IFT46: variants seen among roughly 807,000 people sequenced by gnomAD.
IFT46 encodes intraflagellar transport protein 46 homolog.
IFT46 carries 19 observed loss-of-function variants against 39.6 expected under a neutral mutation model. That is an observed-to-expected ratio of 0.48 (90% CI 0.33 to 0.70). The LOEUF (loss-of-function observed/expected upper bound fraction) is 0.70. Among genes scored for constraint, IFT46 ranks in the 30% least tolerant of loss-of-function variants. IFT46 has a pLI of 0.01. For missense variants in IFT46, 334 were observed against 364.8 expected (o/e 0.92, Z 0.69); for synonymous variants, 117 against 134.8 (o/e 0.87, Z 0.91).
exon 1 of IFT46, chr11:118,572,645 C>T (rs1938373798): frequency 6.6e-7 from 1 of 1,512,290 alleles, no homozygotes; most frequent in Non-Finnish European, 9.0e-7. Context: ...GAGCCCCGCC[C>T]TGAGGGTCTA....
intron 5 of IFT46, 22 bp downstream of exon 5, chr11:118,555,226 G>A (rs2135493266): frequency 1.9e-6 from 3 of 1,599,142 alleles, no homozygotes; most frequent in Non-Finnish European, 2.6e-6. Context: ...AGTGGGGTAT[G>A]GTGGGAGGTC....
At chr11:118,552,825 C>A (rs1182883387) in intron 7 of IFT46, among the ~76,000 whole-genome samples, 1 of 151,116 alleles carries the variant, frequency 6.6e-6, no homozygotes, top group African/African-American at 2.4e-5. Context: ...GTGGCTCACA[C>A]CTGCAGTCCT....
At chr11:118,559,007 C>T (rs1555070076) in intron 3 of IFT46, among the ~76,000 whole-genome samples, 1 of 148,284 alleles carries the variant, frequency 6.7e-6, no homozygotes, top group East Asian at 2.1e-4. Flanking sequence ...GCTGGGATTA[C>T]AGGCACCCGC....
At chr11:118,549,675 C>T (rs1018899256) in intron 9 of IFT46, among the ~76,000 whole-genome samples, 1 of 151,936 alleles carries the variant, frequency 6.6e-6, no homozygotes, top group Non-Finnish European at 1.5e-5. Context: ...CAGGTGTGCA[C>T]CACCACGCCT....
chr11:118,555,124 A>C (rs781905648), intron 5 of IFT46, 41 bp from the exon 6 acceptor site: 2 of 1,558,756 alleles, frequency 1.3e-6, no homozygotes, highest in Non-Finnish European at 1.8e-6. Flanking sequence ...CAGTCAGAAA[A>C]AGTTACTTTA....
chr11:118,563,882 T>C (rs1938142549), intron 2 of IFT46, among the ~76,000 whole-genome samples: 1 of 152,004 alleles, frequency 6.6e-6, no homozygotes, highest in Admixed American at 6.6e-5. Context: ...GTCACCCCTT[T>C]AGGTCTTCCC....
Position 118,555,238 on chromosome 11 carries a change from T to C in IFT46, c.260+10A>G. ...GATAGTGGGGTATGGTGGGAGGTCC[T>C]AGTACTCACCTACTGATGTACTGGA... On this transcript the variant is annotated intron_variant, in intron 5 of 11. Transcript: ENST00000264021. 1 of 1,607,188 alleles carries C rather than the reference T, an allele frequency of 6.2e-7. No homozygotes were observed. The highest frequency in any genetic ancestry group is 8.5e-7 in the Non-Finnish European group (1 of 1,173,612).
chr11:118,548,627 T>G (rs969882164), intron 9 of IFT46, among the ~76,000 whole-genome samples: 14 of 151,990 alleles, frequency 9.2e-5, no homozygotes, highest in Non-Finnish European at 8.8e-5. Flanking sequence ...CCTCCCAAAG[T>G]GCTGGGATTA....
intron 9 of IFT46, chr11:118,546,972 A>G (rs551167480): frequency 1.3e-5 from 2 of 152,340 alleles, no homozygotes; most frequent in Admixed American, 6.5e-5. Context: ...ATAGTTCTGC[A>G]ACTTGCTGCA....
chr11:118,549,369 G>A (rs1377255448), intron 9 of IFT46, among the ~76,000 whole-genome samples: 2 of 151,610 alleles, frequency 1.3e-5, no homozygotes, highest in East Asian at 3.9e-4. Context: ...TGATATATAA[G>A]AGCTCTTTGC....
At position 118,557,033 on chromosome 11, in the gene IFT46, T is replaced by C. The variant is rs1937862609; in HGVS notation, c.58A>G (p.Thr20Ala). The change falls in exon 4 of 12, where the codon ACC becomes GCC. Residue 20 changes from threonine to alanine, a missense_variant. Coordinates refer to ENST00000264021, the MANE Select transcript of IFT46 (RefSeq NM_001168618.2). ...EEENNKEKKKTSQLTPQRGFS... is the reference protein window; with the variant it reads ...EEENNKEKKKASQLTPQRGFS... ...CCCCGTTGAGGTGTCAACTGTGAGG[T>C]CTTCTTCTTCTCCTGTGATAGGGCA... 5 of 1,593,954 alleles carry C rather than the reference T, an allele frequency of 3.1e-6. No homozygotes were observed. Among genetic ancestry groups the C allele is most frequent in the African/African-American group, 2.9e-5 (2 of 68,480 alleles).
At chr11:118,571,591 G>A (rs148361407) in intron 1 of IFT46, among the ~76,000 whole-genome samples, 1,999 of 152,240 alleles carry the variant, frequency 0.013, 45 homozygotes, top group African/African-American at 0.043. Context: ...GTGAAATGAC[G>A]TCTCACCACG....
intron 9 of IFT46, chr11:118,546,853 T>C (rs1325995369): frequency 6.6e-6 from 1 of 152,228 alleles, no homozygotes; most frequent in African/African-American, 2.4e-5. Context: ...AAAATGGGCA[T>C]GACATCTAAC....
intron 7 of IFT46, among the ~76,000 whole-genome samples, chr11:118,553,346 CAGGAAAATCGCTTGA>C (rs1256256196): frequency 6.6e-6 from 1 of 150,668 alleles, no homozygotes; most frequent in Admixed American, 6.7e-5. Context: ...GAGGCTGAGG[CAGGAAAATCGCTTGA>C]ACCCGGGAGG....
chr11:118,569,146 G>T (rs980423735), upstream of IFT46, among the ~76,000 whole-genome samples: 1 of 151,558 alleles, frequency 6.6e-6, no homozygotes, highest in Non-Finnish European at 1.5e-5. Flanking sequence ...AGGCGTGGTC[G>T]TCCATGCCTG....
At chr11:118,547,874 G>A (rs1292158640) in intron 9 of IFT46, among the ~76,000 whole-genome samples, 1 of 148,500 alleles carries the variant, frequency 6.7e-6, no homozygotes, top group Admixed American at 6.8e-5. Flanking sequence ...AGCCTCCCAA[G>A]TAGCTGGGAC....
chr11:118,569,565 G>A (rs1938295168), upstream of IFT46, among the ~76,000 whole-genome samples: 1 of 152,140 alleles, frequency 6.6e-6, no homozygotes, highest in South Asian at 2.1e-4. Flanking sequence ...ATTGATACGG[G>A]TAAGAGCAAG....
At chr11:118,545,728 C>T (rs1297373106) in intron 10 of IFT46, 65 bp downstream of exon 10, 2 of 1,509,034 alleles carry the variant, frequency 1.3e-6, no homozygotes, top group Admixed American at 3.3e-5. Flanking sequence ...AGTAAACAAG[C>T]CTGTCCAAAA....
chr11:118,574,987 G>A (rs904017420), upstream of IFT46, among the ~76,000 whole-genome samples: 1 of 151,826 alleles, frequency 6.6e-6, no homozygotes, highest in East Asian at 1.9e-4. Context: ...TTTCTTGTTT[G>A]TTTGGTTTTC....
Sources: allele counts gnomAD v4.1 joint callset (sites outside exome capture counted in the v4.1 genomes callset), GRCh38; gene constraint gnomAD v4.1.1; transcripts MANE v1.5; gene names NCBI Gene and HGNC (gene_info 2026-07-23, HGNC 2026-07-21).